Variants in PCED1B observed in about 807,000 individuals in gnomAD.
PCED1B encodes PC-esterase domain containing 1B, also known as PC-esterase domain-containing protein 1B.
For missense variants in PCED1B, 573 were observed against 573.9 expected (o/e 1.00, Z 0.02); for synonymous variants, 251 against 246.1 (o/e 1.02, Z -0.19).
At chr12:47,222,803 C>A (rs531419197) in intron 3 of PCED1B, among the ~76,000 whole-genome samples, 1 of 152,280 alleles carries the variant, frequency 6.6e-6, no homozygotes, top group Admixed American at 6.5e-5. Flanking sequence ...CCCCAGAGCC[C>A]CTCCCTCTCA....
chr12:47,225,405 G>A (rs1943604895), intron 3 of PCED1B, among the ~76,000 whole-genome samples: 1 of 152,172 alleles, frequency 6.6e-6, no homozygotes, highest in Non-Finnish European at 1.5e-5. Context: ...ATCAAAATAT[G>A]AGTCTCTAGA....
At chr12:47,152,498 TAGA>T (rs1212679085) in intron 2 of PCED1B, among the ~76,000 whole-genome samples, 1 of 152,136 alleles carries the variant, frequency 6.6e-6, no homozygotes, top group Non-Finnish European at 1.5e-5. Flanking sequence ...TTGATCCAGA[TAGA>T]GGAGAATTAG....
At chr12:47,180,130 C>T (rs542544002) in intron 2 of PCED1B, among the ~76,000 whole-genome samples, 1 of 152,250 alleles carries the variant, frequency 6.6e-6, no homozygotes, top group African/African-American at 2.4e-5. Context: ...GTGTGGTGTT[C>T]CTCACTATGT....
At chr12:47,132,660 G>A (rs1210386864) in intron 2 of PCED1B, among the ~76,000 whole-genome samples, 1 of 152,098 alleles carries the variant, frequency 6.6e-6, no homozygotes, top group Non-Finnish European at 1.5e-5. Context: ...CTACCCAAAT[G>A]CCCCAGAACC....
chr12:47,161,545 G>T (rs1221628772), intron 2 of PCED1B, among the ~76,000 whole-genome samples: 1 of 152,158 alleles, frequency 6.6e-6, no homozygotes, highest in East Asian at 1.9e-4. Flanking sequence ...TTTCTATAAA[G>T]AAATACCTGA....
chr12:47,097,719 A>G (rs1404276364), intron 1 of PCED1B, among the ~76,000 whole-genome samples: 1 of 152,218 alleles, frequency 6.6e-6, no homozygotes, highest in African/African-American at 2.4e-5. Context: ...TTTGGAGGCT[A>G]TACGACTCTT....
intron 1 of PCED1B, among the ~76,000 whole-genome samples, chr12:47,096,793 A>G (rs1938499256): frequency 6.6e-6 from 1 of 152,196 alleles, no homozygotes; most frequent in Admixed American, 6.5e-5. Flanking sequence ...ATGAGCTTCT[A>G]TTACATATAT....
intron 2 of PCED1B, among the ~76,000 whole-genome samples, chr12:47,107,531 G>A (rs1313643140): frequency 6.6e-6 from 1 of 152,244 alleles, no homozygotes; most frequent in Non-Finnish European, 1.5e-5. Flanking sequence ...ATGCATCGAA[G>A]TTAGAGCACT....
chr12:47,162,866 A>ATG (rs1293010636), intron 2 of PCED1B, among the ~76,000 whole-genome samples: 2 of 152,302 alleles, frequency 1.3e-5, no homozygotes, highest in East Asian at 3.9e-4. Context: ...TCCAAATTGT[A>ATG]TTACACCCAG....
chr12:47,160,747 T>C (rs78682575), intron 2 of PCED1B, among the ~76,000 whole-genome samples: 35,190 of 152,012 alleles, frequency 0.23, 5,202 homozygotes, highest in Non-Finnish European at 0.33. Context: ...ATATGGTTTT[T>C]CCCCACTAAA....
intron 1 of PCED1B, among the ~76,000 whole-genome samples, chr12:47,101,691 A>C (rs919990439): frequency 1.3e-5 from 2 of 152,168 alleles, no homozygotes; most frequent in Non-Finnish European, 2.9e-5. Flanking sequence ...TCACACCTGT[A>C]ATCCCAGCAC....
intron 3 of PCED1B, among the ~76,000 whole-genome samples, chr12:47,233,466 C>T (rs12308211): frequency 0.012 from 1,899 of 152,166 alleles, 38 homozygotes; most frequent in African/African-American, 0.043. Flanking sequence ...GGGAGTGCAC[C>T]GGAAAACAGT....
chr12:47,147,485 C>T (rs7958186), intron 2 of PCED1B, among the ~76,000 whole-genome samples: 110,370 of 152,060 alleles, frequency 0.73, 40,357 homozygotes, highest in African/African-American at 0.81. Context: ...CATATTTCCA[C>T]TGATGTCTGT....
intron 2 of PCED1B, chr12:47,208,545 C>G (rs897646686): frequency 2.0e-5 from 3 of 151,972 alleles, no homozygotes; most frequent in Non-Finnish European, 4.4e-5. Flanking sequence ...GGACTACAGG[C>G]GTATTTTTAA....
chr12:47,205,398 G>C (rs1369658421), intron 2 of PCED1B, among the ~76,000 whole-genome samples: 2 of 152,188 alleles, frequency 1.3e-5, no homozygotes, highest in African/African-American at 4.8e-5. Flanking sequence ...GCCTCCAGCT[G>C]CATGACTCCT....
chr12:47,230,453 C>CT (rs1216356366), intron 3 of PCED1B, among the ~76,000 whole-genome samples: 4 of 148,850 alleles, frequency 2.7e-5, no homozygotes, highest in Admixed American at 1.3e-4. Flanking sequence ...ACACTTTTCC[C>CT]TTTTTTTTGA....
chr12:47,114,521 C>G (rs1939336542), intron 2 of PCED1B, among the ~76,000 whole-genome samples: 1 of 152,214 alleles, frequency 6.6e-6, no homozygotes, highest in Non-Finnish European at 1.5e-5. Context: ...GGGAACAGCC[C>G]AGTGTCTGGC....
At chr12:47,154,293 A>C (rs952968) in intron 2 of PCED1B, among the ~76,000 whole-genome samples, 60,327 of 151,894 alleles carry the variant, frequency 0.4, 12,678 homozygotes, top group East Asian at 0.65. Flanking sequence ...CCATAAGTGT[A>C]CTCTATGACT....
At chr12:47,201,254 A>G (rs1223380745) in intron 2 of PCED1B, among the ~76,000 whole-genome samples, 2 of 152,218 alleles carry the variant, frequency 1.3e-5, no homozygotes, top group Non-Finnish European at 2.9e-5. Context: ...CTTTCAGTCT[A>G]TTACAAGGTG....
Sources: allele counts gnomAD v4.1 joint callset (sites outside exome capture counted in the v4.1 genomes callset), GRCh38; gene constraint gnomAD v4.1.1; transcripts MANE v1.5; gene names NCBI Gene and HGNC (gene_info 2026-07-23, HGNC 2026-07-21).